RAD21L1: variants seen among roughly 807,000 people sequenced by gnomAD.
The protein encoded by RAD21L1 is RAD21 cohesin complex component like 1, also known as double-strand-break repair protein rad21-like protein 1.
RAD21L1 carries 47 observed loss-of-function variants against 69.0 expected under a neutral mutation model. That is an observed-to-expected ratio of 0.68 (90% CI 0.54 to 0.87). The LOEUF (loss-of-function observed/expected upper bound fraction) is 0.87, where lower values mean the gene tolerates loss of function less well. Ranked by LOEUF, RAD21L1 falls within the 40% of genes least tolerant of loss-of-function variation. The pLI is 0.00. For missense variants in RAD21L1, 583 were observed against 647.6 expected, an observed-to-expected ratio of 0.90 and a Z score of 1.08; for synonymous variants, 177 against 205.8, an observed-to-expected ratio of 0.86 and a Z score of 1.20.
In RAD21L1 at chr20:1,229,966, T is replaced by C. The variant is rs1481919329; in HGVS notation, c.231T>C (p.Asp77=). ...YNRKAKYLLA[D]CSEAFLKMKM... ...GGAAGGCAAAATATCTTTTGGCAGATTGCAGTGAAGCATTTCTTAAAATGA... is the reference window on the plus strand; with the variant it reads ...GGAAGGCAAAATATCTTTTGGCAGACTGCAGTGAAGCATTTCTTAAAATGA... The change falls in exon 3 of 14, where the codon GAT becomes GAC. Residue 77 remains aspartate, a synonymous_variant. Transcript: ENST00000683101. 12 of 1,550,924 alleles carry C rather than the reference T, an allele frequency of 7.7e-6. No homozygotes were observed. The highest frequency in any genetic ancestry group is 1.0e-5 in the Non-Finnish European group (12 of 1,146,190).
chr20:1,232,798 G>A (rs958359197), intron 4 of RAD21L1, among the ~76,000 whole-genome samples: 1 of 152,148 alleles, frequency 6.6e-6, no homozygotes, highest in Non-Finnish European at 1.5e-5. Context: ...GTATTAAGAG[G>A]TGGGGCTCTG....
At chr20:1,247,152 C>G (rs2087733930) in intron 12 of RAD21L1, among the ~76,000 whole-genome samples, 1 of 152,132 alleles carries the variant, frequency 6.6e-6, no homozygotes, top group African/African-American at 2.4e-5. Context: ...CGCTGTGCTT[C>G]TGTAGATGCA....
chr20:1,248,704 G>C lies in RAD21L1; in HGVS notation c.1479+1G>C. 6.6e-7 allele frequency: 1 copy of C among 1,504,912 alleles called. No individual in the cohort carries two copies. Among genetic ancestry groups the C allele is most frequent in the South Asian group, 1.3e-5 (1 of 79,678 alleles). The allele number at this position is 1,504,912 out of a possible 1,614,324, so 93.2% of individuals were successfully genotyped here. Reference sequence around the variant, plus strand: ...ACTTCAGATGTTAAATCGTTTACGGGTGAGATGCTAGGGTTTGTCAACCCT... The same window carrying C: ...ACTTCAGATGTTAAATCGTTTACGGCTGAGATGCTAGGGTTTGTCAACCCT... On this transcript the variant is annotated splice_donor_variant, in intron 13 of 13. Transcript: ENST00000683101. LOFTEE classifies it high-confidence loss of function.
At chr20:1,233,602 G>A (rs762471263) in intron 4 of RAD21L1, among the ~76,000 whole-genome samples, 2 of 152,152 alleles carry the variant, frequency 1.3e-5, no homozygotes, top group African/African-American at 2.4e-5. Context: ...CAGATTCATC[G>A]TCTGGTGATG....
chr20:1,243,858 G>C (rs2087668613), intron 10 of RAD21L1, among the ~76,000 whole-genome samples, 188 bp from the exon 11 acceptor site: 2 of 152,268 alleles, frequency 1.3e-5, no homozygotes, highest in African/African-American at 4.8e-5. Flanking sequence ...GGAGGTGATA[G>C]AGACAGAGGA....
At chr20:1,234,064 C>T (rs1474328834) in intron 4 of RAD21L1, 21 bp from the exon 5 acceptor site, 5 of 1,176,642 alleles carry the variant, frequency 4.2e-6, no homozygotes, top group Non-Finnish European at 4.9e-6. Context: ...ATGTTTTTCT[C>T]AACCTTCTAT....
At chr20:1,236,343 C>G (rs1240745252) in intron 5 of RAD21L1, among the ~76,000 whole-genome samples, 1 of 152,168 alleles carries the variant, frequency 6.6e-6, no homozygotes, top group African/African-American at 2.4e-5. Flanking sequence ...TGCCTTGGGT[C>G]CCTATAACTT....
At chr20:1,251,592 A>G (rs1358570836) in intron 13 of RAD21L1, among the ~76,000 whole-genome samples, 2 of 151,814 alleles carry the variant, frequency 1.3e-5, no homozygotes, top group Non-Finnish European at 2.9e-5. Context: ...TGTCTTCCTG[A>G]AGGGCCAGTG....
chr20:1,228,696 GT>G (rs1454615408), intron 2 of RAD21L1, 99 bp downstream of exon 2: 2 of 855,710 alleles, frequency 2.3e-6, no homozygotes, highest in Non-Finnish European at 1.7e-6. Flanking sequence ...TTTCAAGGAA[GT>G]TTTACTTGTC....
At chr20:1,251,388 T>C (rs6040904) in intron 13 of RAD21L1, among the ~76,000 whole-genome samples, 47,708 of 149,468 alleles carry the variant, frequency 0.32, 7,886 homozygotes, top group African/African-American at 0.39. Flanking sequence ...TTTTTCCACT[T>C]ATTGTCTTTA....
At chr20:1,234,825 G>A (rs1253724351) in intron 5 of RAD21L1, among the ~76,000 whole-genome samples, 1 of 152,072 alleles carries the variant, frequency 6.6e-6, no homozygotes, top group Non-Finnish European at 1.5e-5. Flanking sequence ...GCTTACTGAA[G>A]CCTTGACCTG....
chr20:1,250,286 G>T (rs1367540451), intron 13 of RAD21L1, among the ~76,000 whole-genome samples: 1 of 146,666 alleles, frequency 6.8e-6, no homozygotes, highest in Non-Finnish European at 1.5e-5. Flanking sequence ...TGAGTTTTAG[G>T]GTACATGTGC....
At position 1,231,575 on chromosome 20, in the gene RAD21L1, C is replaced by T. The variant is rs1295258159; in HGVS notation, c.324C>T (p.Ile108=). 1.3e-6 allele frequency: 2 copies of T among 1,539,000 alleles called. No homozygotes were observed. The highest frequency in any genetic ancestry group is 2.0e-5 in the Admixed American group (1 of 50,268). Reference sequence around the variant, plus strand: ...ATTTTGAAGCATCTTACAATGCTATCACATTGCCAGAAGAATTTCATGATT... The same window carrying T: ...ATTTTGAAGCATCTTACAATGCTATTACATTGCCAGAAGAATTTCATGATT... ...KENFEASYNA[I]TLPEEFHDFD... The change falls in exon 4 of 14, where the codon ATC becomes ATT. Residue 108 remains isoleucine (I), a synonymous_variant. Coordinates refer to ENST00000683101, the MANE Select transcript of RAD21L1 (RefSeq NM_001384355.1).
chr20:1,245,082 A>T (rs2087692658), intron 11 of RAD21L1, among the ~76,000 whole-genome samples: 5 of 152,194 alleles, frequency 3.3e-5, no homozygotes, highest in Admixed American at 2.6e-4. Context: ...AGGAAAATAC[A>T]ACTGCAGTTA....
rs1312976090 is a variant in RAD21L1 at position 1,238,175 on chromosome 20, G to A, written c.607G>A (p.Asp203Asn). The change falls in exon 6 of 14, where the codon GAT becomes AAT. Residue 203 changes from aspartate (D) to asparagine (N), a missense_variant. Transcript: ENST00000683101. Reference sequence around the variant, plus strand: ...ACGATCTCTATTCTATGACAGTGGAGATGGGTTTGGAGATGAAGGAGCTGC... The same window carrying A: ...ACGATCTCTATTCTATGACAGTGGAAATGGGTTTGGAGATGAAGGAGCTGC... ...GERSLFYDSG[D>N]GFGDEGAAGE... 6 of 1,532,594 alleles carry A rather than the reference G, an allele frequency of 3.9e-6. No individual in the cohort carries two copies. Among genetic ancestry groups the A allele is most frequent in the Non-Finnish European group, 5.3e-6 (6 of 1,134,842 alleles). 94.9% of individuals were successfully genotyped at this position (1,532,594 alleles called of 1,614,324 possible). A position where few individuals can be genotyped will look rare whatever the true frequency, so the allele number is the denominator to read the frequency against.
At position 1,229,891 on chromosome 20, in the gene RAD21L1, A is replaced by C. The variant is rs1168362132; in HGVS notation, c.156A>C (p.Ala52=). The C allele has an allele frequency of 1.9e-6, 3 of 1,547,920 alleles. No individual in the cohort carries two copies. The highest frequency in any genetic ancestry group is 2.6e-6 in the Non-Finnish European group (3 of 1,144,256). ...EKILSPKVKI[A]LRTSGHLLLG... is the part of the protein sequence containing the mutation. ...AAAATTATTGAAAGGTGAAAATAGC[A>C]CTTCGAACTTCAGGACACCTTCTTT... Residue 52 remains alanine, a synonymous_variant, in exon 3 of 14, where the codon GCA becomes GCC. Coordinates refer to ENST00000683101, the MANE Select transcript of RAD21L1 (RefSeq NM_001384355.1).
intron 5 of RAD21L1, among the ~76,000 whole-genome samples, chr20:1,234,736 G>A (rs2087460318): frequency 6.6e-6 from 1 of 152,088 alleles, no homozygotes; most frequent in South Asian, 2.1e-4. Context: ...TTTGGGCAAG[G>A]CGATTGTACT....
At chr20:1,233,433 A>C (rs894331963) in intron 4 of RAD21L1, among the ~76,000 whole-genome samples, 4 of 152,160 alleles carry the variant, frequency 2.6e-5, no homozygotes, top group Non-Finnish European at 5.9e-5. Flanking sequence ...AAATAGTGAT[A>C]CCTCAGAGGC....
chr20:1,244,490 T>C (rs377246233), intron 11 of RAD21L1, among the ~76,000 whole-genome samples: 8 of 152,144 alleles, frequency 5.3e-5, no homozygotes, highest in African/African-American at 1.9e-4. Context: ...CTTTGTGTCA[T>C]GGAATGTTTT....
Sources: allele counts gnomAD v4.1 joint callset (sites outside exome capture counted in the v4.1 genomes callset), GRCh38; gene constraint gnomAD v4.1.1; transcripts MANE v1.5; gene names NCBI Gene and HGNC (gene_info 2026-07-23, HGNC 2026-07-21).